Variants in PHEX observed in about 807,000 individuals in gnomAD.
PHEX encodes phosphate-regulating neutral endopeptidase PHEX.
A neutral mutation model predicts 68.0 loss-of-function variants in PHEX; 16 were observed. That is an observed-to-expected ratio of 0.24 (90% confidence interval 0.16 to 0.36). The LOEUF is 0.36. Ranked by LOEUF, PHEX falls within the 10% of genes least tolerant of loss-of-function variation. The probability of loss-of-function intolerance (pLI) is 1.00; values close to 1 mark genes in which losing one functional copy is unlikely to be tolerated. For missense variants in PHEX, 480 were observed against 575.5 expected (o/e 0.83, Z 1.70); for synonymous variants, 208 against 205.1 (o/e 1.01, Z -0.12).
chrX:22,190,794 A>G (rs761120730), intron 15 of PHEX, among the ~76,000 whole-genome samples: 3 of 111,740 alleles, frequency 2.7e-5, no homozygotes, highest in Admixed American at 9.5e-5. Context: ...CTTTCCTTTC[A>G]TAATGGCCTT....
intron 8 of PHEX, chrX:22,097,833 T>A (rs1427346505): frequency 6.7e-6 from 2 of 298,570 alleles, no homozygotes; most frequent in Non-Finnish European, 8.9e-6. Context: ...AGTGGTGTGA[T>A]CTTGGCTCAT....
chrX:22,195,975 G>A (rs1396369447), intron 15 of PHEX, among the ~76,000 whole-genome samples: 1 of 111,386 alleles, frequency 9.0e-6, no homozygotes, highest in Admixed American at 9.5e-5. Flanking sequence ...CCAGGAGTTC[G>A]AGACTAGCCT....
intron 8 of PHEX, 128 bp downstream of exon 8, chrX:22,097,166 C>A: frequency 1.8e-6 from 1 of 545,159 alleles, no homozygotes; most frequent in Non-Finnish European, 3.3e-6. Flanking sequence ...TCTTTGTCAA[C>A]AATCACATAA....
chrX:22,205,499 A>G (rs1185004641), intron 15 of PHEX, among the ~76,000 whole-genome samples: 1 of 111,348 alleles, frequency 9.0e-6, no homozygotes, highest in Non-Finnish European at 1.9e-5. Flanking sequence ...TGGGTTTCTG[A>G]AGACTGGCAG....
In PHEX at chrX:22,077,672, T is replaced by A; in HGVS notation, c.633T>A (p.Asp211Glu). The A allele has an allele frequency of 8.3e-7, 1 of 1,205,610 alleles. No individual in the cohort carries two copies. Reference protein sequence around the residue: ...SVFIRLYVSPDDKASNEHILK... With the variant: ...SVFIRLYVSPEDKASNEHILK... ...TCATCCGTTTGTATGTGTCCCCTGATGACAAAGCATCCAATGAACATATCT... is the reference window on the plus strand; with the variant it reads ...TCATCCGTTTGTATGTGTCCCCTGAAGACAAAGCATCCAATGAACATATCT... The change falls in exon 5 of 22, where the codon GAT becomes GAA. Residue 211 changes from aspartate to glutamate, a missense_variant. Physicochemically the swap from Asp to Glu is conservative, Grantham distance 45. Coordinates refer to ENST00000379374, the MANE Select transcript of PHEX (RefSeq NM_000444.6).
At chrX:22,217,216 C>T (rs1001486736) in intron 16 of PHEX, among the ~76,000 whole-genome samples, 2 of 112,002 alleles carry the variant, frequency 1.8e-5, no homozygotes, top group Admixed American at 9.4e-5. Flanking sequence ...TAGCTACTGC[C>T]GCAAAAATTA....
intron 11 of PHEX, among the ~76,000 whole-genome samples, chrX:22,132,392 G>A (rs1461839527): frequency 8.9e-6 from 1 of 111,851 alleles, no homozygotes; most frequent in East Asian, 2.8e-4. Context: ...ATAGGGGTGA[G>A]CCACTGCCCC....
At chrX:22,233,886 G>GGA (rs1474929913) in intron 20 of PHEX, among the ~76,000 whole-genome samples, 1 of 111,971 alleles carries the variant, frequency 8.9e-6, no homozygotes, top group Non-Finnish European at 1.9e-5. Context: ...TTGGAGGAGA[G>GGA]GAGGTATTTT....
In PHEX at chrX:22,192,572, C is replaced by T. The variant is rs1203890165; in HGVS notation, c.1645+2070C>T. ...CCCTTCCTCCCTCCTTCTGTTCCGG[C>T]CACACTGGCCTCCTTCGTGTTTATA... On this transcript the variant is annotated intron_variant, in intron 15 of 21. Transcript: ENST00000379374. 7.1e-5 allele frequency among the ~76,000 whole-genome samples: 8 copies of T among 111,936 alleles called. No individual in the cohort carries two copies. In the East Asian group the frequency reaches 2.3e-3, roughly 32 times the overall value.
At chrX:22,137,624 G>A (rs979533339) in intron 12 of PHEX, among the ~76,000 whole-genome samples, 2 of 111,402 alleles carry the variant, frequency 1.8e-5, no homozygotes, top group Non-Finnish European at 3.8e-5. Flanking sequence ...TGGTTCTCAA[G>A]GTGTGGTTCC....
At chrX:22,175,635 G>A (rs974620866) in intron 13 of PHEX, among the ~76,000 whole-genome samples, 1 of 111,878 alleles carries the variant, frequency 8.9e-6, no homozygotes, top group Non-Finnish European at 1.9e-5. Context: ...ACAGGCATGA[G>A]TCACTGTGCC....
At chrX:22,054,122 T>A (rs1384817090) in intron 3 of PHEX, among the ~76,000 whole-genome samples, 1 of 111,873 alleles carries the variant, frequency 8.9e-6, no homozygotes, top group Non-Finnish European at 1.9e-5. Flanking sequence ...AAGTTCTTAA[T>A]TTTTTAAAAT....
chrX:22,112,246 C>T (rs1931004328), intron 10 of PHEX, among the ~76,000 whole-genome samples: 1 of 110,902 alleles, frequency 9.0e-6, no homozygotes, highest in Non-Finnish European at 1.9e-5. Context: ...TCCCAAAGTG[C>T]TGGGATTAAA....
chrX:22,240,958 A>G (rs1936170051), intron 20 of PHEX, among the ~76,000 whole-genome samples: 3 of 112,126 alleles, frequency 2.7e-5, no homozygotes, highest in Admixed American at 1.9e-4. Context: ...CCCAAATCAA[A>G]TCAACAGAAT....
chrX:22,235,479 A>C (rs1935941942), intron 20 of PHEX, among the ~76,000 whole-genome samples: 1 of 111,204 alleles, frequency 9.0e-6, no homozygotes, highest in South Asian at 3.9e-4. Context: ...AGTGGGATCG[A>C]GTTTTGGTGA....
At chrX:22,206,038 G>C (rs1008246039) in intron 15 of PHEX, among the ~76,000 whole-genome samples, 4 of 112,131 alleles carry the variant, frequency 3.6e-5, no homozygotes, top group Non-Finnish European at 7.5e-5. Flanking sequence ...GGACTATTTA[G>C]CTTGTTAATA....
rs771874009 is a variant in PHEX at position 22,123,576 on chromosome X, T to C, written c.1302+8990T>C. On this transcript the variant is annotated intron_variant, in intron 11 of 21. Coordinates refer to ENST00000379374, the MANE Select transcript of PHEX (RefSeq NM_000444.6). ...ATAATATCAACTTCCTGGCACAGGCTGTGGCAACTTCTGCATTTAGATTGC... is the reference window on the plus strand; with the variant it reads ...ATAATATCAACTTCCTGGCACAGGCCGTGGCAACTTCTGCATTTAGATTGC... Among the ~76,000 whole-genome samples, 111 of 111,567 alleles carry C rather than the reference T, an allele frequency of 9.9e-4. 3 individuals are homozygous for C. Among genetic ancestry groups the C allele is most frequent in the African/African-American group, 3.4e-3 (105 of 30,716 alleles).
Position 22,047,223 on chromosome X carries a change from C to G in PHEX, c.349+12C>G. ...CCTCAAGTTGAAGGGTAAGTTTCTA[C>G]TGGGGTTTGGTGATACACTTTATAG... On this transcript the variant is annotated intron_variant, in intron 3 of 21. Transcript: ENST00000379374. The G allele has an allele frequency of 8.4e-7, 1 of 1,191,423 alleles. No homozygotes were observed. The highest frequency in any genetic ancestry group is 1.1e-6 in the Non-Finnish European group (1 of 877,031).
chrX:22,230,229 C>CTTTTTTTTTTTTTTTTTT (rs140475343), intron 20 of PHEX, among the ~76,000 whole-genome samples: 1 of 10,919 alleles, frequency 9.2e-5, no homozygotes, highest in East Asian at 2.1e-3. Flanking sequence ...TATATGGGCT[C>CTTTTTTTTTTTTTTTTTT]TTTTTTTTTT....
Sources: allele counts gnomAD v4.1 joint callset (sites outside exome capture counted in the v4.1 genomes callset), GRCh38; gene constraint gnomAD v4.1.1; transcripts MANE v1.5; gene names NCBI Gene and HGNC (gene_info 2026-07-23, HGNC 2026-07-21).